Variants in ZBTB7C observed in about 807,000 individuals in gnomAD.
ZBTB7C encodes the protein zinc finger and BTB domain-containing protein 7C.
Under a neutral mutation model 25.7 loss-of-function variants are expected in ZBTB7C, and 8 were observed. The observed-to-expected ratio is 0.31, with a 90% CI of 0.18 to 0.56. ZBTB7C has a LOEUF of 0.56. Among genes scored for constraint, ZBTB7C ranks in the 20% least tolerant of loss-of-function variants. The pLI, the probability that ZBTB7C is intolerant of heterozygous loss-of-function variation, is 0.91. For synonymous variants in ZBTB7C, 394 were observed against 369.0 expected, an observed-to-expected ratio of 1.07 and a Z score of -0.78; for missense variants, 824 against 855.2, an observed-to-expected ratio of 0.96 and a Z score of 0.46.
chr18:48,360,221 T>C (rs2047071746), intron 1 of ZBTB7C, among the ~76,000 whole-genome samples: 1 of 152,184 alleles, frequency 6.6e-6, no homozygotes, highest in African/African-American at 2.4e-5. Context: ...TCTATAAACA[T>C]TTGCACCTCC....
At chr18:48,140,318 A>G (rs1381520017) in intron 3 of ZBTB7C, among the ~76,000 whole-genome samples, 2 of 152,362 alleles carry the variant, frequency 1.3e-5, no homozygotes, top group Non-Finnish European at 2.9e-5. Context: ...CAAAGAGTAT[A>G]CTAATATTGA....
rs923377601 is a variant in ZBTB7C, at chr18:48,080,846, A to T, written c.-16-39723T>A. The stretch of plus-strand genomic sequence containing the variant: ...AGGTTTCCCCTGGGTCTGGCTGTCC[A>T]CCTGCTCATCTTTCTCCCTCTGCCC... On this transcript the variant is annotated intron_variant, in intron 3 of 4. Coordinates refer to ENST00000590800, the MANE Select transcript of ZBTB7C (RefSeq NM_001318841.2). Among the ~76,000 whole-genome samples the T allele has an allele frequency of 5.9e-5, 9 of 152,272 alleles. No individual in the cohort carries two copies. In the South Asian group the frequency reaches 8.3e-4, roughly 14 times the overall value.
intron 2 of ZBTB7C, among the ~76,000 whole-genome samples, chr18:48,265,982 A>G (rs1366512090): frequency 6.6e-6 from 1 of 152,124 alleles, no homozygotes; most frequent in Non-Finnish European, 1.5e-5. Flanking sequence ...GTGTGGTTCT[A>G]TAGCAGAATG....
intron 3 of ZBTB7C, among the ~76,000 whole-genome samples, chr18:48,078,599 G>A (rs1050951933): frequency 6.6e-6 from 1 of 152,202 alleles, no homozygotes; most frequent in Non-Finnish European, 1.5e-5. Context: ...GGTGAGCACT[G>A]CCCCGACTAA....
chr18:48,281,665 C>T (rs1305899379), intron 2 of ZBTB7C, among the ~76,000 whole-genome samples: 12 of 152,176 alleles, frequency 7.9e-5, no homozygotes, highest in African/African-American at 2.7e-4. Flanking sequence ...TGAACAGACA[C>T]TTCTCAAAAG....
chr18:48,411,787 C>G (rs1039019911), upstream of ZBTB7C, among the ~76,000 whole-genome samples: 2 of 152,208 alleles, frequency 1.3e-5, no homozygotes, highest in African/African-American at 4.8e-5. Flanking sequence ...TAAATAGACT[C>G]TAATATAAAT....
chr18:48,120,540 G>A (rs938996686), intron 3 of ZBTB7C, among the ~76,000 whole-genome samples: 1 of 152,158 alleles, frequency 6.6e-6, no homozygotes, highest in African/African-American at 2.4e-5. Context: ...AACCTTGGAG[G>A]TGGAGGTTGC....
intron 1 of ZBTB7C, among the ~76,000 whole-genome samples, chr18:48,347,838 G>A (rs750378105): frequency 1.3e-5 from 2 of 152,230 alleles, no homozygotes; most frequent in Non-Finnish European, 2.9e-5. Context: ...CCACATGGAA[G>A]GGAGGTTCTG....
intron 1 of ZBTB7C, among the ~76,000 whole-genome samples, chr18:48,370,355 A>G (rs1407595703): frequency 6.6e-6 from 1 of 152,244 alleles, no homozygotes; most frequent in Non-Finnish European, 1.5e-5. Flanking sequence ...TTCCATTTAT[A>G]TAATATTCTT....
chr18:48,180,339 T>G (rs773544144), intron 3 of ZBTB7C: 1 of 456,688 alleles, frequency 2.2e-6, no homozygotes, highest in South Asian at 1.5e-5. Flanking sequence ...CCTGTTCATA[T>G]TTCAGATGGA....
Position 48,029,404 on chromosome 18 carries a change from GC to G in ZBTB7C, c.1715del (p.Gly572AlafsTer155). Reference sequence around the variant, plus strand: ...TCTCGGCCAGCGCGAAGGCCAGGAGGCCCCCCGCGTTCCTCTCAGCCTCCAG... The same window carrying G: ...TCTCGGCCAGCGCGAAGGCCAGGAGGCCCCCGCGTTCCTCTCAGCCTCCAG... Reference protein sequence around the residue: ...AQLEAERNAGGLLAFALAENV... With the variant: ...AQLEAERNAGXLLAFALAENV... On this transcript the variant is annotated frameshift_variant, in exon 5 of 5. Coordinates refer to ENST00000590800, the MANE Select transcript of ZBTB7C (RefSeq NM_001318841.2). LOFTEE classifies it high-confidence loss of function. 3 of 1,570,646 alleles carry G rather than the reference GC, an allele frequency of 1.9e-6. No homozygotes were observed.
intron 1 of ZBTB7C, among the ~76,000 whole-genome samples, chr18:48,339,434 G>T (rs117833470): frequency 6.6e-6 from 1 of 152,224 alleles, no homozygotes; most frequent in South Asian, 2.1e-4. Context: ...ATAATGATTA[G>T]ACTCTCTTCA....
intron 3 of ZBTB7C, among the ~76,000 whole-genome samples, chr18:48,159,160 T>C (rs926198559): frequency 2.6e-5 from 4 of 151,870 alleles, no homozygotes; most frequent in Admixed American, 2.6e-4. Context: ...GTAGGGGTCA[T>C]GGCTTATTTA....
At chr18:48,167,574 G>GTGTGTT (rs1241132675) in intron 3 of ZBTB7C, among the ~76,000 whole-genome samples, 9 of 151,110 alleles carry the variant, frequency 6.0e-5, no homozygotes, top group East Asian at 3.9e-4. Flanking sequence ...GTGTGTGTGT[G>GTGTGTT]TGTGTGTGTG....
chr18:48,158,058 G>A lies in ZBTB7C; in HGVS notation c.-17+27876C>T, dbSNP rs552403836. The stretch of plus-strand genomic sequence containing the variant: ...CCTCTCTCTCTGAGGACTTTGCCAA[G>A]AAGGAACACACAGGCTGGATAAATC... On this transcript the variant is annotated intron_variant, in intron 3 of 4. Coordinates refer to ENST00000590800, the MANE Select transcript of ZBTB7C (RefSeq NM_001318841.2). 1.8e-4 allele frequency among the ~76,000 whole-genome samples: 28 copies of A among 152,268 alleles called. No individual in the cohort carries two copies. In the South Asian group the frequency reaches 5.0e-3, roughly 27 times the overall value.
intron 1 of ZBTB7C, among the ~76,000 whole-genome samples, chr18:48,366,138 AGCTGCCATCT>A (rs1187384740): frequency 2.2e-4 from 33 of 152,258 alleles, no homozygotes; most frequent in African/African-American, 8.0e-4. Flanking sequence ...CCAGGCCACC[AGCTGCCATCT>A]GCAATTTGCT....
rs900746856 is a variant in ZBTB7C at position 48,268,229 on chromosome 18, T to C, written c.-79+69945A>G. Among the ~76,000 whole-genome samples, 78 of 152,302 alleles carry C rather than the reference T, an allele frequency of 5.1e-4. 1 individual carries two copies. The highest frequency in any genetic ancestry group is 1.8e-3 in the African/African-American group (76 of 41,570). ...CAAGCACTTCTCCAGCCCCATGTCA[T>C]TCATTTATTAATTTATTCACTATAC... On this transcript the variant is annotated intron_variant, in intron 2 of 4. Transcript: ENST00000590800.
At chr18:48,367,175 T>TTATATATCTATATATA (rs2047243235) in intron 1 of ZBTB7C, among the ~76,000 whole-genome samples, 1 of 62,278 alleles carries the variant, frequency 1.6e-5, no homozygotes, top group Non-Finnish European at 3.1e-5. Context: ...TCCCCAAGTT[T>TTATATATCTATATATA]TATATATATA....
At position 48,040,482 on chromosome 18, in the gene ZBTB7C, T is replaced by A. The variant is rs761455388; in HGVS notation, c.626A>T (p.Asp209Val). 6.2e-6 allele frequency: 10 copies of A among 1,610,596 alleles called. No individual in the cohort carries two copies. The highest frequency in any genetic ancestry group is 7.6e-6 in the Non-Finnish European group (9 of 1,178,254). The change falls in exon 4 of 5, where the codon GAC becomes GTC. Residue 209 changes from aspartate (D) to valine (V), a missense_variant. Coordinates refer to ENST00000590800, the MANE Select transcript of ZBTB7C (RefSeq NM_001318841.2). ...GCCAGGACTGCCAGCCTGGAAGGAGTCAGGGAAGTCCCTGGGGGTGTCTGA... is the reference window on the plus strand; with the variant it reads ...GCCAGGACTGCCAGCCTGGAAGGAGACAGGGAAGTCCCTGGGGGTGTCTGA... ...AYSDTPRDFP[D>V]SFQAGSPGHL...
Sources: allele counts gnomAD v4.1 joint callset (sites outside exome capture counted in the v4.1 genomes callset), GRCh38; gene constraint gnomAD v4.1.1; transcripts MANE v1.5; gene names NCBI Gene and HGNC (gene_info 2026-07-23, HGNC 2026-07-21).